The following KLF12 variants were observed in gnomAD, a reference collection of about 807,000 sequenced individuals.
The protein encoded by KLF12 is KLF transcription factor 12.
Under a neutral mutation model 37.8 loss-of-function variants are expected in KLF12, and 9 were observed. The ratio of observed to expected loss-of-function variants is 0.24; its 90% CI spans 0.14 to 0.42. The LOEUF is 0.42. Among genes scored for constraint, KLF12 ranks in the 10% least tolerant of loss-of-function variants. The pLI, the probability that KLF12 is intolerant of heterozygous loss-of-function variation, is 1.00. For missense variants in KLF12, 411 were observed against 516.0 expected (o/e 0.80, Z 1.97); for synonymous variants, 208 against 202.1 (o/e 1.03, Z -0.25).
the KLF12 span, among the ~76,000 whole-genome samples, chr13:74,241,810 C>T: frequency 0.21 from 32,609 of 152,164 alleles, 5,891 homozygotes; most frequent in African/African-American, 0.49. Context: ...GGCTCGCGCA[C>T]GGTGCATGCA....
intron 1 of KLF12, among the ~76,000 whole-genome samples, chr13:74,058,512 C>T (rs935342446): frequency 2.0e-5 from 3 of 151,870 alleles, no homozygotes; most frequent in Admixed American, 6.6e-5. Flanking sequence ...CCCGCCACCA[C>T]GCCCGGCTAA....
the KLF12 span, among the ~76,000 whole-genome samples, chr13:74,179,263 T>G: frequency 6.6e-6 from 1 of 152,206 alleles, no homozygotes. Flanking sequence ...ATTACAGCTA[T>G]GGAGGTTGAG....
intron 3 of KLF12, among the ~76,000 whole-genome samples, chr13:73,865,428 T>C (rs1411005962): frequency 1.3e-5 from 2 of 152,132 alleles, no homozygotes; most frequent in Non-Finnish European, 2.9e-5. Flanking sequence ...TAGATTAAAT[T>C]TGTAAAAGTG....
chr13:73,764,577 CTG>C (rs1336188961), intron 6 of KLF12, among the ~76,000 whole-genome samples: 11 of 151,780 alleles, frequency 7.2e-5, no homozygotes, highest in Non-Finnish European at 1.6e-4. Context: ...GATTCATTAA[CTG>C]TGGAAATCTT....
chr13:73,730,342 A>G (rs942070189), intron 6 of KLF12, among the ~76,000 whole-genome samples: 11 of 152,212 alleles, frequency 7.2e-5, no homozygotes, highest in African/African-American at 1.2e-4. Flanking sequence ...TGGCAAAAGT[A>G]TAACAGCTTT....
the KLF12 span, among the ~76,000 whole-genome samples, chr13:74,256,154 C>CAAAAAAAAAAAAAAA: frequency 1.3e-5 from 1 of 75,612 alleles, no homozygotes. Context: ...GACTCTGTCT[C>CAAAAAAAAAAAAAAA]AAAAAAAAAA....
At chr13:73,888,399 T>C (rs1887338724) in intron 3 of KLF12, among the ~76,000 whole-genome samples, 1 of 152,232 alleles carries the variant, frequency 6.6e-6, no homozygotes. Context: ...GCTAAGTCAT[T>C]AAGACTGTGT....
chr13:74,219,906 C>A, the KLF12 span, among the ~76,000 whole-genome samples: 1 of 151,598 alleles, frequency 6.6e-6, no homozygotes. Context: ...GTGTAAGTTT[C>A]TTTTCTTTTA....
chr13:73,689,088 G>A lies in KLF12; in HGVS notation c.*6402C>T, dbSNP rs2137511005. The A allele has an allele frequency of 6.6e-6, 1 of 152,154 alleles. No individual in the cohort carries two copies. Among genetic ancestry groups the A allele is most frequent in the African/African-American group, 2.4e-5 (1 of 41,522 alleles). The allele number at this position is 152,154 out of a possible 1,614,324, so 9.4% of individuals were successfully genotyped here. On this transcript the variant is annotated 3_prime_UTR_variant, in exon 8 of 8. Coordinates refer to ENST00000377669, the MANE Select transcript of KLF12 (RefSeq NM_007249.5). ...AATAAAGAATAGCTATTATCTTCATGGTTTGCTGAATGTGTAACCTTTCAA... is the reference window on the plus strand; with the variant it reads ...AATAAAGAATAGCTATTATCTTCATAGTTTGCTGAATGTGTAACCTTTCAA...
chr13:73,911,763 TA>T (rs943196138), intron 3 of KLF12, among the ~76,000 whole-genome samples: 4 of 152,224 alleles, frequency 2.6e-5, no homozygotes, highest in Non-Finnish European at 5.9e-5. Flanking sequence ...CAGTACAAAC[TA>T]AAAGTTGCAT....
intron 2 of KLF12, chr13:73,960,382 GT>G: frequency 3.4e-6 from 1 of 296,262 alleles, no homozygotes; most frequent in Non-Finnish European, 7.7e-6. Flanking sequence ...GCTTTGACAT[GT>G]TTTCTCACTT....
At chr13:74,264,151 T>C in the KLF12 span, among the ~76,000 whole-genome samples, 5 of 152,142 alleles carry the variant, frequency 3.3e-5, no homozygotes, top group Non-Finnish European at 5.9e-5. Context: ...CCAGTGCAAA[T>C]TGAAGATCAG....
At chr13:73,746,103 G>A (rs1878351597) in intron 6 of KLF12, among the ~76,000 whole-genome samples, 1 of 151,130 alleles carries the variant, frequency 6.6e-6, no homozygotes. Flanking sequence ...GCCACAGTTA[G>A]AAGTGTGTAT....
At chr13:73,818,678 A>G (rs1883364490) in intron 4 of KLF12, among the ~76,000 whole-genome samples, 1 of 152,246 alleles carries the variant, frequency 6.6e-6, no homozygotes, top group Admixed American at 6.5e-5. Flanking sequence ...ATATATGAAA[A>G]CTTACAGACT....
intron 3 of KLF12, among the ~76,000 whole-genome samples, chr13:73,876,121 C>T (rs925285258): frequency 3.4e-5 from 5 of 149,206 alleles, no homozygotes; most frequent in Non-Finnish European, 5.9e-5. Context: ...GAATCCAGCA[C>T]ATTTTAGCTG....
intron 2 of KLF12, among the ~76,000 whole-genome samples, chr13:73,963,653 T>C (rs1470841051): frequency 2.0e-5 from 3 of 152,354 alleles, no homozygotes; most frequent in East Asian, 3.9e-4. Context: ...AAGTTTCGTA[T>C]ATAATTTAGT....
intron 2 of KLF12, among the ~76,000 whole-genome samples, chr13:73,974,937 A>G (rs1891466703): frequency 6.6e-6 from 1 of 152,216 alleles, no homozygotes; most frequent in South Asian, 2.1e-4. Flanking sequence ...TTTCCAGAGG[A>G]TCAGGTAGAA....
chr13:74,042,351 G>A (rs1167762283), intron 1 of KLF12, among the ~76,000 whole-genome samples: 1 of 151,326 alleles, frequency 6.6e-6, no homozygotes, highest in Non-Finnish European at 1.5e-5. Context: ...ACTGGCTACT[G>A]GCCAATTCTG....
the KLF12 span, among the ~76,000 whole-genome samples, chr13:74,227,876 C>G: frequency 6.6e-6 from 1 of 152,118 alleles, no homozygotes; most frequent in African/African-American, 2.4e-5. Flanking sequence ...ATCAGGATAA[C>G]AGATAATATA....
Sources: allele counts gnomAD v4.1 joint callset (sites outside exome capture counted in the v4.1 genomes callset), GRCh38; gene constraint gnomAD v4.1.1; transcripts MANE v1.5; gene names NCBI Gene and HGNC (gene_info 2026-07-23, HGNC 2026-07-21).